The following GPR158 variants were observed in gnomAD, a reference collection of about 807,000 sequenced individuals.
GPR158 encodes the protein metabotropic glycine receptor.
GPR158 carries 30 observed loss-of-function variants against 78.2 expected under a neutral mutation model. The ratio of observed to expected loss-of-function variants is 0.38; its 90% CI spans 0.29 to 0.52. The LOEUF (loss-of-function observed/expected upper bound fraction) is 0.52. GPR158 is among the 20% of genes least tolerant of loss of function. GPR158 has a pLI of 0.83. For missense variants in GPR158, 1,463 were observed against 1,523.5 expected (o/e 0.96, Z 0.66); for synonymous variants, 581 against 591.1 (o/e 0.98, Z 0.25).
intron 5 of GPR158, among the ~76,000 whole-genome samples, chr10:25,469,232 A>G (rs1420553540): frequency 6.6e-6 from 1 of 152,124 alleles, no homozygotes; most frequent in Admixed American, 6.5e-5. Flanking sequence ...TTTATATGCC[A>G]ATGACTGCTG....
chr10:25,314,123 A>T (rs969889899), intron 2 of GPR158, among the ~76,000 whole-genome samples: 1 of 152,112 alleles, frequency 6.6e-6, no homozygotes, highest in African/African-American at 2.4e-5. Context: ...TTATTTAGAG[A>T]CGGAGTCTCA....
intron 2 of GPR158, among the ~76,000 whole-genome samples, chr10:25,267,339 G>T (rs145252822): frequency 6.0e-4 from 92 of 152,234 alleles, no homozygotes; most frequent in African/African-American, 2.2e-3. Context: ...ATAGTGGCAG[G>T]AGAGAGAAGA....
chr10:25,328,927 CA>C (rs3054026), intron 2 of GPR158, among the ~76,000 whole-genome samples: 92 of 89,068 alleles, frequency 1.0e-3, no homozygotes, highest in East Asian at 4.4e-3. Flanking sequence ...AACTTCATCA[CA>C]AAAAAAAAAA....
chr10:25,276,871 A>G (rs1046784540), intron 2 of GPR158, among the ~76,000 whole-genome samples: 1 of 152,172 alleles, frequency 6.6e-6, no homozygotes, highest in African/African-American at 2.4e-5. Context: ...AGCAGTAAGG[A>G]CATAAAAGAA....
At chr10:25,533,686 G>T (rs927313403) in intron 5 of GPR158, among the ~76,000 whole-genome samples, 2 of 152,066 alleles carry the variant, frequency 1.3e-5, no homozygotes, top group South Asian at 4.2e-4. Flanking sequence ...TCACTTCATT[G>T]AACAAATTGG....
At chr10:25,270,555 C>T (rs1411405014) in intron 2 of GPR158, among the ~76,000 whole-genome samples, 2 of 152,114 alleles carry the variant, frequency 1.3e-5, no homozygotes, top group African/African-American at 4.8e-5. Flanking sequence ...CAGCGCACCC[C>T]AAACTGATCT....
At chr10:25,559,713 G>A (rs1836837428) in intron 6 of GPR158, among the ~76,000 whole-genome samples, 1 of 152,140 alleles carries the variant, frequency 6.6e-6, no homozygotes, top group Non-Finnish European at 1.5e-5. Flanking sequence ...AAATACTAGA[G>A]AGTAAAAACC....
chr10:25,227,435 T>G (rs1853388688), intron 2 of GPR158, among the ~76,000 whole-genome samples: 1 of 152,260 alleles, frequency 6.6e-6, no homozygotes. Context: ...GTATTCTGGT[T>G]AAATACTAAA....
At chr10:25,397,398 G>A (rs796290660) in intron 3 of GPR158, among the ~76,000 whole-genome samples, 35 of 152,278 alleles carry the variant, frequency 2.3e-4, no homozygotes, top group African/African-American at 7.5e-4. Flanking sequence ...TAGGGTTTGG[G>A]AGTTGCTAAA....
chr10:25,224,495 ATTAC>A (rs925981311), intron 2 of GPR158, among the ~76,000 whole-genome samples: 4 of 151,576 alleles, frequency 2.6e-5, no homozygotes, highest in South Asian at 2.1e-4. Flanking sequence ...TATAAATTAT[ATTAC>A]TTTGTTAAAA....
chr10:25,255,736 T>A (rs2097575444), intron 2 of GPR158, among the ~76,000 whole-genome samples: 1 of 152,240 alleles, frequency 6.6e-6, no homozygotes, highest in African/African-American at 2.4e-5. Flanking sequence ...ATTTCAAATA[T>A]CTTTCTCTTT....
intron 5 of GPR158, among the ~76,000 whole-genome samples, chr10:25,481,701 AC>A (rs1835665678): frequency 6.6e-6 from 1 of 152,044 alleles, no homozygotes; most frequent in Admixed American, 6.6e-5. Context: ...AAATCGCCAA[AC>A]TCTTTTCCAA....
intron 7 of GPR158, among the ~76,000 whole-genome samples, chr10:25,583,817 G>A (rs1160359435): frequency 3.3e-5 from 5 of 152,274 alleles, no homozygotes; most frequent in African/African-American, 1.2e-4. Flanking sequence ...CGGCAAAGCA[G>A]GGTAAAGTGT....
At chr10:25,193,623 C>T (rs1359407227) in intron 1 of GPR158, among the ~76,000 whole-genome samples, 1 of 152,084 alleles carries the variant, frequency 6.6e-6, no homozygotes, top group Non-Finnish European at 1.5e-5. Flanking sequence ...TACAGATTTC[C>T]CCTCTAGGAA....
At chr10:25,443,642 A>ATCCTGGTGGTTGAAAACCACAG (rs1407648912) in intron 4 of GPR158, among the ~76,000 whole-genome samples, 1 of 150,786 alleles carries the variant, frequency 6.6e-6, no homozygotes, top group Non-Finnish European at 1.5e-5. Flanking sequence ...CCTGACCTCA[A>ATCCTGGTGGTTGAAAACCACAG]GCGATCATTC....
chr10:25,478,878 G>A (rs1189211290), intron 5 of GPR158, among the ~76,000 whole-genome samples: 6 of 143,162 alleles, frequency 4.2e-5, no homozygotes, highest in Non-Finnish European at 6.0e-5. Flanking sequence ...TCCCACCTAT[G>A]AGTGAGAACA....
chr10:25,429,113 A>G (rs914646298), intron 4 of GPR158, among the ~76,000 whole-genome samples: 1 of 152,040 alleles, frequency 6.6e-6, no homozygotes, highest in Non-Finnish European at 1.5e-5. Flanking sequence ...TGTCCAAGAT[A>G]TATTGAATTT....
chr10:25,363,959 A>G (rs112198252), intron 2 of GPR158, among the ~76,000 whole-genome samples: 1 of 151,994 alleles, frequency 6.6e-6, no homozygotes, highest in African/African-American at 2.4e-5. Flanking sequence ...GAGGATAATT[A>G]TAATTAATCG....
intron 2 of GPR158, among the ~76,000 whole-genome samples, chr10:25,327,370 A>T (rs1855051177): frequency 6.6e-6 from 1 of 152,114 alleles, no homozygotes; most frequent in Non-Finnish European, 1.5e-5. Context: ...TGGCCTTAAC[A>T]ATTTGCTAAC....
Sources: gnomAD v4.1 joint callset for allele counts (sites outside exome capture counted in the v4.1 genomes callset) on GRCh38, gnomAD v4.1.1 for gene constraint, MANE v1.5 for transcripts, NCBI Gene and HGNC (gene_info 2026-07-23, HGNC 2026-07-21) for gene names.